MAX: variants seen among roughly 807,000 people sequenced by gnomAD.
MAX encodes the protein MYC associated transcriptional regulator X.
In MAX, 3 loss-of-function variants were observed where a neutral mutation model predicts 22.3. The ratio of observed to expected loss-of-function variants is 0.13; its 90% CI spans 0.06 to 0.35. MAX has a LOEUF of 0.35. Among genes scored for constraint, MAX ranks in the 10% least tolerant of loss-of-function variants. The pLI is 1.00. For missense variants in MAX, 119 were observed against 209.4 expected, an observed-to-expected ratio of 0.57 and a Z score of 2.66; for synonymous variants, 72 against 77.7, an observed-to-expected ratio of 0.93 and a Z score of 0.39.
rs1190664126 is a variant in MAX at position 65,007,708 on chromosome 14, T to C, written c.172-1424A>G. Among the ~76,000 whole-genome samples, 1 of 152,238 alleles carries C rather than the reference T, an allele frequency of 6.6e-6. No homozygotes were observed. Among genetic ancestry groups the C allele is most frequent in the Non-Finnish European group, 1.5e-5 (1 of 68,036 alleles). ...CTTTCCCATGAAAATTCATTTTTTCTTCCCTGTGGGTATTGTCACGGTTTC... is the reference window on the plus strand; with the variant it reads ...CTTTCCCATGAAAATTCATTTTTTCCTCCCTGTGGGTATTGTCACGGTTTC... On this transcript the variant is annotated intron_variant, in intron 3 of 3. Transcript: ENST00000341653. This position sits in a 1 kb window ranked among gnomAD's most constrained non-coding sequence, Gnocchi z 4.9.
At chr14:65,101,655 G>A (rs1475034137) in intron 1 of MAX, 83 bp from the exon 2 acceptor site, 2 of 1,099,230 alleles carry the variant, frequency 1.8e-6, no homozygotes, top group African/African-American at 1.6e-5. Context: ...AGAAAATGCC[G>A]GCGGCAGAGG....
intron 2 of MAX, among the ~76,000 whole-genome samples, chr14:65,094,442 C>T (rs1352596846): frequency 6.6e-6 from 1 of 152,236 alleles, no homozygotes; most frequent in African/African-American, 2.4e-5. Flanking sequence ...ATTCTGAGTT[C>T]CTATTTTTTA....
chr14:65,054,963 T>C lies in MAX; in HGVS notation c.171+38745A>G, dbSNP rs770367674. 2.0e-5 allele frequency among the ~76,000 whole-genome samples: 3 copies of C among 152,208 alleles called. No individual in the cohort carries two copies. Among genetic ancestry groups the C allele is most frequent in the Non-Finnish European group, 4.4e-5 (3 of 68,044 alleles). On this transcript the variant is annotated intron_variant, in intron 3 of 3. Transcript: ENST00000341653. This position sits in a 1 kb window ranked among gnomAD's most constrained non-coding sequence, Gnocchi z 4.4. ...TGAGGACCTAGCCCACTGCTGGTAT[T>C]AGCTTCCCCTAGAGGAGGCCACAGT...
rs1414626464 is a variant in MAX, at chr14:65,030,697, G to A, written c.172-24413C>T. Among the ~76,000 whole-genome samples, 1 of 151,592 alleles carries A rather than the reference G, an allele frequency of 6.6e-6. No individual in the cohort carries two copies. The highest frequency in any genetic ancestry group is 1.9e-4 in the East Asian group (1 of 5,178). On this transcript the variant is annotated intron_variant, in intron 3 of 3. Transcript: ENST00000341653. The surrounding 1 kb of genome is among the most constrained non-coding windows in gnomAD (Gnocchi z 4.5). ...TGAGGTTGCAGTGAGCCATGATAGC[G>A]CCACTGCACTGCAGCCTGGGCAACA...
At position 65,012,935 on chromosome 14, in the gene MAX, C is replaced by G. The variant is rs2061706749; in HGVS notation, c.172-6651G>C. On this transcript the variant is annotated intron_variant, in intron 3 of 3. Coordinates refer to the MAX transcript ENST00000341653. The surrounding 1 kb of genome is among the most constrained non-coding windows in gnomAD (Gnocchi z 5.0). ...GGACCAGTATAGAGAGTGGTCCTTG[C>G]AATTTAACATTACTGTTTAAGAGTA... Among the ~76,000 whole-genome samples, 1 of 152,146 alleles carries G rather than the reference C, an allele frequency of 6.6e-6. No homozygotes were observed. The highest frequency in any genetic ancestry group is 2.4e-5 in the African/African-American group (1 of 41,418).
At chr14:65,101,699 T>C in intron 1 of MAX, 127 bp from the exon 2 acceptor site, 1 of 728,824 alleles carries the variant, frequency 1.4e-6, no homozygotes, top group Non-Finnish European at 2.4e-6. Context: ...CGACACCCCT[T>C]CCTCCCTCCC....
At chr14:65,040,431 A>G (rs1232174123) in intron 3 of MAX, among the ~76,000 whole-genome samples, 1 of 151,556 alleles carries the variant, frequency 6.6e-6, no homozygotes, top group Admixed American at 6.6e-5. Context: ...TTAACATTTT[A>G]CAGTTTTTAT....
At chr14:65,092,590 C>T (rs2063540196) in intron 3 of MAX, among the ~76,000 whole-genome samples, 2 of 152,246 alleles carry the variant, frequency 1.3e-5, no homozygotes, top group Admixed American at 1.3e-4. Context: ...ACTAAGTAGG[C>T]TTAACCCATG....
intron 3 of MAX, among the ~76,000 whole-genome samples, chr14:65,057,455 A>G (rs1322998159): frequency 6.6e-6 from 1 of 152,118 alleles, no homozygotes; most frequent in Non-Finnish European, 1.5e-5. Context: ...TTAATATTTT[A>G]ATTTTGAAGT....
At chr14:65,021,905 C>T (rs2061893932) in intron 3 of MAX, 1 of 455,780 alleles carries the variant, frequency 2.2e-6, no homozygotes, top group Admixed American at 2.4e-5. Context: ...GTCGGCCTCC[C>T]AAAGTGCTAG....
chr14:65,076,685 G>C lies in MAX; in HGVS notation c.296-22C>G. The C allele has an allele frequency of 1.2e-6, 2 of 1,614,114 alleles. No homozygotes were observed. Among genetic ancestry groups the C allele is most frequent in the Non-Finnish European group, 1.7e-6 (2 of 1,179,962 alleles). On this transcript the variant is annotated intron_variant, in intron 4 of 4. Coordinates refer to ENST00000358664, the MANE Select transcript of MAX (RefSeq NM_002382.5). This position sits in a 1 kb window ranked among gnomAD's most constrained non-coding sequence, Gnocchi z 6.6. The stretch of plus-strand genomic sequence containing the variant: ...CGGACTAAAAGGCAACCAAGGGAGT[G>C]TGTTACTGCCTTCTGGAGACTTGGG...
intron 3 of MAX, among the ~76,000 whole-genome samples, chr14:65,056,668 C>T (rs1189218595): frequency 6.6e-6 from 1 of 152,178 alleles, no homozygotes; most frequent in East Asian, 1.9e-4. Flanking sequence ...CATTTTCTTA[C>T]TGATGGGTAA....
At chr14:65,020,920 G>C (rs2061874776) in intron 3 of MAX, among the ~76,000 whole-genome samples, 1 of 151,606 alleles carries the variant, frequency 6.6e-6, no homozygotes, top group Non-Finnish European at 1.5e-5. Flanking sequence ...TGTAAAGACA[G>C]GCTTTCAACA....
chr14:65,025,171 A>T (rs150092232), intron 3 of MAX, among the ~76,000 whole-genome samples: 53 of 152,228 alleles, frequency 3.5e-4, no homozygotes, highest in African/African-American at 1.3e-3. Flanking sequence ...CAGCTGAGGG[A>T]GGTTGGCATG....
chr14:65,089,756 TAAAAAAAAAAAAAAAAAAAAAAAAAAAA>T (rs55883101), intron 3 of MAX, among the ~76,000 whole-genome samples: 5,184 of 36,134 alleles, frequency 0.14, 513 homozygotes, highest in African/African-American at 0.38. Flanking sequence ...AGCATCTCTG[TAAAAAAAAAAAAAAAAAAAAAAAAAAAA>T]AAAAAAAAAA....
At chr14:65,006,381 A>C in intron 3 of MAX, 1 of 1,525,190 alleles carries the variant, frequency 6.6e-7, no homozygotes, top group Non-Finnish European at 8.9e-7. Context: ...CTCTGACCTC[A>C]ATAAAATGAA....
downstream of MAX, among the ~76,000 whole-genome samples, chr14:65,070,884 A>C (rs1378832745): frequency 6.6e-6 from 1 of 152,224 alleles, no homozygotes; most frequent in Non-Finnish European, 1.5e-5. The surrounding 1 kb of genome is among the most constrained non-coding windows in gnomAD (Gnocchi z 4.4). Context: ...TGCAAACTGA[A>C]ACTGGAATGA....
At chr14:65,038,375 A>ACTC (rs2062264028) in intron 3 of MAX, among the ~76,000 whole-genome samples, 1 of 151,292 alleles carries the variant, frequency 6.6e-6, no homozygotes, top group Non-Finnish European at 1.5e-5. Context: ...GCACCATTGC[A>ACTC]CTCCAGCCCA....
At chr14:65,041,046 CAG>C in intron 3 of MAX, 1 of 1,443,404 alleles carries the variant, frequency 6.9e-7, no homozygotes, top group Non-Finnish European at 9.3e-7. Context: ...TGTTCCAACA[CAG>C]AGGAAGGAGT....
Sources: allele counts gnomAD v4.1 joint callset (sites outside exome capture counted in the v4.1 genomes callset), GRCh38; gene constraint gnomAD v4.1.1; non-coding constraint Gnocchi (gnomAD v3.1); transcripts MANE v1.5; gene names NCBI Gene and HGNC (gene_info 2026-07-23, HGNC 2026-07-21).